NKAPD1: variants seen among roughly 807,000 people sequenced by gnomAD.
NKAPD1 encodes the protein uncharacterized protein NKAPD1.
NKAPD1 carries 12 observed loss-of-function variants against 30.9 expected under a neutral mutation model. That is an observed-to-expected ratio of 0.39 (90% CI 0.25 to 0.63). NKAPD1 has a LOEUF of 0.63. Among genes scored for constraint, NKAPD1 ranks in the 20% least tolerant of loss-of-function variants. NKAPD1 has a pLI of 0.51. For missense variants in NKAPD1, 311 were observed against 344.5 expected, an observed-to-expected ratio of 0.90 and a Z score of 0.77; for synonymous variants, 91 against 113.6, an observed-to-expected ratio of 0.80 and a Z score of 1.26.
At chr11:112,082,166 TAGG>T (rs1865467277) in intron 5 of NKAPD1, 131 bp downstream of exon 5, 2 of 806,938 alleles carry the variant, frequency 2.5e-6, no homozygotes, top group African/African-American at 1.7e-5. Context: ...GTGATTTAGT[TAGG>T]AGGTGATCCC....
chr11:112,080,569 A>T lies in NKAPD1; in HGVS notation c.320+11A>T. ...AAACATGCCAGACAGGTTTGTGATT[A>T]ATTCCTGTGAGCATTAATATTTGGC... On this transcript the variant is annotated intron_variant, in intron 4 of 5. Coordinates refer to ENST00000393047, the MANE Select transcript of NKAPD1 (RefSeq NM_018195.4). 1 of 1,611,726 alleles carries T rather than the reference A, an allele frequency of 6.2e-7. No individual in the cohort carries two copies. Among genetic ancestry groups the T allele is most frequent in the Non-Finnish European group, 8.5e-7 (1 of 1,179,470 alleles).
chr11:112,082,226 T>C (rs1011443411), intron 5 of NKAPD1, 191 bp downstream of exon 5: 2 of 699,702 alleles, frequency 2.9e-6, no homozygotes, highest in Admixed American at 3.0e-5. Flanking sequence ...GTAAGCATTT[T>C]GGTTTTTATA....
At chr11:112,078,868 G>C (rs1211289710) in intron 3 of NKAPD1, among the ~76,000 whole-genome samples, 3 of 152,060 alleles carry the variant, frequency 2.0e-5, no homozygotes, top group African/African-American at 7.2e-5. Context: ...TCTTCACCCT[G>C]TCTATTCACC....
At chr11:112,079,803 TTTC>T (rs1306480999) in intron 3 of NKAPD1, among the ~76,000 whole-genome samples, 4 of 151,886 alleles carry the variant, frequency 2.6e-5, no homozygotes, top group Non-Finnish European at 5.9e-5. Context: ...GTCAGATTTT[TTTC>T]TTTTTTTCTT....
chr11:112,079,938 A>G (rs966765463), intron 3 of NKAPD1, among the ~76,000 whole-genome samples: 1 of 151,636 alleles, frequency 6.6e-6, no homozygotes, highest in African/African-American at 2.4e-5. Flanking sequence ...TCAGCCTTCC[A>G]AGTAGCTGGG....
chr11:112,080,856 A>G (rs1302553956), intron 4 of NKAPD1: 6 of 355,852 alleles, frequency 1.7e-5, no homozygotes, highest in East Asian at 6.5e-5. Flanking sequence ...CCAAGTCACG[A>G]AAGACCGCAT....
rs1865514687 is a variant in NKAPD1, at chr11:112,083,710, T to C, written c.*738T>C. ...ACTTGTGTTCAAATTATTTCTTCAA[T>C]TGTCATAGATAATCCTGTACCAAAT... is the stretch of plus-strand genomic sequence containing the variant. On this transcript the variant is annotated 3_prime_UTR_variant, in exon 6 of 6. Coordinates refer to ENST00000393047, the MANE Select transcript of NKAPD1 (RefSeq NM_018195.4). 1 of 152,632 alleles carries C rather than the reference T, an allele frequency of 6.6e-6. No homozygotes were observed. The highest frequency in any genetic ancestry group is 1.5e-5 in the Non-Finnish European group (1 of 68,046). 9.5% of individuals were successfully genotyped at this position (152,632 alleles called of 1,614,324 possible). A position where few individuals can be genotyped will look rare whatever the true frequency, so the allele number is the denominator to read the frequency against.
intron 2 of NKAPD1, among the ~76,000 whole-genome samples, chr11:112,077,224 C>T (rs1865348159): frequency 6.6e-6 from 1 of 152,210 alleles, no homozygotes; most frequent in South Asian, 2.1e-4. Flanking sequence ...TTATGTTAAC[C>T]TGCCCCTAGT....
In NKAPD1 at chr11:112,082,628, A is replaced by G. The variant is rs201641008; in HGVS notation, c.538A>G (p.Ile180Val). ...GAAAAGCAAAAAGGAAGCCACAGAT[A>G]TAACAGCAGATTCCTCGAGTGAGTT... is the stretch of plus-strand genomic sequence containing the variant. ...QKKSKKEATD[I>V]TADSSSEFSE... The change falls in exon 6 of 6, where the codon ATA becomes GTA. Residue 180 changes from isoleucine (I) to valine (V), a missense_variant. Ile to Val is a conservative substitution (Grantham distance 29). Transcript: ENST00000393047. 14 of 1,613,850 alleles carry G rather than the reference A, an allele frequency of 8.7e-6. No individual in the cohort carries two copies. The highest frequency in any genetic ancestry group is 2.2e-5 in the South Asian group (2 of 90,912).
At position 112,077,180 on chromosome 11, in the gene NKAPD1, G is replaced by A. The variant is rs566268783; in HGVS notation, c.70-1035G>A. Reference sequence around the variant, plus strand: ...TCACCTGATTTTTAAAATTATGGGCGAGGGTAAAACTGTTACCCGAGCTGC... The same window carrying A: ...TCACCTGATTTTTAAAATTATGGGCAAGGGTAAAACTGTTACCCGAGCTGC... On this transcript the variant is annotated intron_variant, in intron 2 of 5. Transcript: ENST00000393047. Among the ~76,000 whole-genome samples the A allele has an allele frequency of 2.6e-5, 4 of 152,276 alleles. No individual in the cohort carries two copies. The East Asian group carries it at 7.7e-4, about 29-fold the overall frequency.
rs1405930232 is a variant in NKAPD1 at position 112,084,693 on chromosome 11, G to A, written c.*1721G>A. The A allele has an allele frequency of 9.8e-5, 15 of 152,308 alleles. No homozygotes were observed. The highest frequency in any genetic ancestry group is 9.8e-4 in the Admixed American group (15 of 15,234). 9.4% of individuals were successfully genotyped at this position (152,308 alleles called of 1,614,324 possible). On this transcript the variant is annotated 3_prime_UTR_variant, in exon 6 of 6. Transcript: ENST00000393047. ...TTTAAGCACAGACTCAGGAAAATGT[G>A]CCAGTAGAACAGGCCATCTCCAGGA...
At chr11:112,074,962 C>G (rs1476005813) in intron 1 of NKAPD1, 46 bp downstream of exon 1, 1 of 158,068 alleles carries the variant, frequency 6.3e-6, no homozygotes, top group African/African-American at 2.4e-5. Context: ...GCTAGCTACA[C>G]ACGAAAATAT....
In NKAPD1 at chr11:112,083,167, G is replaced by T. The variant is rs1830205084; in HGVS notation, c.*195G>T. The stretch of plus-strand genomic sequence containing the variant: ...CCTTTTCTTGTTAAAAGGGAATCTG[G>T]TATTTTGTTATGAAGGTTTCTTGAA... On this transcript the variant is annotated 3_prime_UTR_variant, in exon 6 of 6. Coordinates refer to ENST00000393047, the MANE Select transcript of NKAPD1 (RefSeq NM_018195.4). 3 of 509,678 alleles carry T rather than the reference G, an allele frequency of 5.9e-6. No individual in the cohort carries two copies. Among genetic ancestry groups the T allele is most frequent in the African/African-American group, 1.9e-5 (1 of 51,776 alleles). The allele number at this position is 509,678 out of a possible 1,614,324, so 31.6% of individuals were successfully genotyped here.
rs1380553417 is a variant in NKAPD1 at position 112,083,701 on chromosome 11, TTTC to T, written c.*733_*735del. On this transcript the variant is annotated 3_prime_UTR_variant, in exon 6 of 6. Transcript: ENST00000393047. ...CCTAAATGGACTTGTGTTCAAATTA[TTTC>T]TTCAATTGTCATAGATAATCCTGTA... The T allele has an allele frequency of 6.6e-6, 1 of 152,650 alleles. No individual in the cohort carries two copies. The highest frequency in any genetic ancestry group is 1.5e-5 in the Non-Finnish European group (1 of 68,040). The allele number at this position is 152,650 out of a possible 1,614,324, so 9.5% of individuals were successfully genotyped here.
rs764977975 is a variant in NKAPD1 at position 112,077,068 on chromosome 11, TATA to T, written c.70-1144_70-1142del. The stretch of plus-strand genomic sequence containing the variant: ...AGATGAGGTCACCTAGGAGAGCACA[TATA>T]ATGAAAAGAGGGCCAAGGCCCCTGG... On this transcript the variant is annotated intron_variant, in intron 2 of 5. Transcript: ENST00000393047. Among the ~76,000 whole-genome samples the T allele has an allele frequency of 2.6e-5, 4 of 152,324 alleles. No homozygotes were observed. The East Asian group carries it at 7.7e-4, about 29-fold the overall frequency.
chr11:112,079,809 T>G (rs1865406770), intron 3 of NKAPD1, among the ~76,000 whole-genome samples: 2 of 151,960 alleles, frequency 1.3e-5, no homozygotes, highest in African/African-American at 4.8e-5. Context: ...TTTTTTTCTT[T>G]TTTTCTTTTT....
chr11:112,074,497 A>G lies in NKAPD1; in HGVS notation c.-428A>G, dbSNP rs969932800. On this transcript the variant is annotated 5_prime_UTR_variant, in exon 1 of 6. Transcript: ENST00000393047. ...CTCTGTCTTCCACTTGGAAACCTCA[A>G]CCCCCGCTTCAGGCTCCCTAGATAC... 14 of 398,056 alleles carry G rather than the reference A, an allele frequency of 3.5e-5. No individual in the cohort carries two copies. The highest frequency in any genetic ancestry group is 5.3e-5 in the Non-Finnish European group (12 of 225,888). 24.7% of individuals were successfully genotyped at this position (398,056 alleles called of 1,614,324 possible). A position where few individuals can be genotyped will look rare whatever the true frequency, so the allele number is the denominator to read the frequency against.
intron 4 of NKAPD1, chr11:112,081,025 G>A (rs1865438339): frequency 6.5e-6 from 1 of 154,270 alleles, no homozygotes; most frequent in Admixed American, 6.5e-5. Flanking sequence ...CTTCAATAAA[G>A]TTGTTATTTA....
At chr11:112,077,567 G>T (rs1350254710) in intron 2 of NKAPD1, among the ~76,000 whole-genome samples, 1 of 152,124 alleles carries the variant, frequency 6.6e-6, no homozygotes, top group Non-Finnish European at 1.5e-5. Context: ...ATTGCTTAAG[G>T]TTCAATTGAG....
Sources: gnomAD v4.1 joint callset for allele counts (sites outside exome capture counted in the v4.1 genomes callset) on GRCh38, gnomAD v4.1.1 for gene constraint, MANE v1.5 for transcripts, NCBI Gene and HGNC (gene_info 2026-07-23, HGNC 2026-07-21) for gene names.